The following TAAR5 variants were observed in gnomAD, a reference collection of about 807,000 sequenced individuals.
TAAR5 encodes trace amine associated receptor 5.
In TAAR5, 27 loss-of-function variants were observed where a neutral mutation model predicts 21.1. The ratio of observed to expected loss-of-function variants is 1.28; its 90% CI spans 0.94 to 1.76. TAAR5 has a LOEUF of 1.76. Ranked by LOEUF, TAAR5 falls within the 40% of genes most tolerant of loss-of-function variation. The pLI is 0.00. For synonymous variants in TAAR5, 203 were observed against 167.5 expected (o/e 1.21, Z -1.64); for missense variants, 495 against 405.6 (o/e 1.22, Z -1.89).
rs1231342679 is a variant in TAAR5 at position 132,589,586 on chromosome 6, T to C, written c.101A>G (p.Gln34Arg). The change falls in exon 1 of 1, where the codon CAG becomes CGG. Residue 34 changes from glutamine to arginine, a missense_variant. By Grantham distance (43) the Gln-to-Arg change is conservative (BLOSUM62 1). Coordinates refer to ENST00000258034, the MANE Select transcript of TAAR5 (RefSeq NM_003967.3). ...CPRTVHTLGI[Q>R]LVIYLACAAG... ...TGCACAGGCCAGGTAGATGACCAACTGGATGCCCAGAGTATGTACTGTCCT... is the reference window on the plus strand; with the variant it reads ...TGCACAGGCCAGGTAGATGACCAACCGGATGCCCAGAGTATGTACTGTCCT... The C allele has an allele frequency of 1.9e-6, 3 of 1,613,758 alleles. No individual in the cohort carries two copies. Among genetic ancestry groups the C allele is most frequent in the Non-Finnish European group, 2.5e-6 (3 of 1,179,932 alleles).
At chr6:132,597,213 A>T in the TAAR5 span, among the ~76,000 whole-genome samples, 2 of 152,190 alleles carry the variant, frequency 1.3e-5, no homozygotes, top group African/African-American at 2.4e-5. Context: ...AATTAACAGT[A>T]TTCTCTCATA....
chr6:132,608,883 G>A, the TAAR5 span: 2 of 455,938 alleles, frequency 4.4e-6, no homozygotes, highest in South Asian at 3.1e-5. Context: ...GGTAACACAC[G>A]GCATAAAATC....
At chr6:132,592,468 T>G (rs181468458), upstream of TAAR5, among the ~76,000 whole-genome samples, 74 of 152,368 alleles carry the variant, frequency 4.9e-4, no homozygotes, top group Middle Eastern at 3.4e-3. Context: ...GAATAATTCT[T>G]GATTCCTCAA....
the TAAR5 span, among the ~76,000 whole-genome samples, chr6:132,612,180 A>G: frequency 6.6e-6 from 1 of 152,212 alleles, no homozygotes; most frequent in African/African-American, 2.4e-5. Flanking sequence ...GTGTTAAAAA[A>G]TATATTAACT....
the TAAR5 span, among the ~76,000 whole-genome samples, chr6:132,600,952 AGAAGGAGG>A: frequency 2.3e-3 from 35 of 15,136 alleles, 1 homozygote; most frequent in East Asian, 3.3e-3. Context: ...AGGGAAAGAA[AGAAGGAGG>A]GAAGGAGGGA....
chr6:132,607,366 G>T, the TAAR5 span, among the ~76,000 whole-genome samples: 98 of 152,122 alleles, frequency 6.4e-4, no homozygotes, highest in Non-Finnish European at 1.1e-3. Context: ...ATTCATGAAG[G>T]TTCTATTGAC....
Position 132,589,648 on chromosome 6 carries a change from AG to A in TAAR5, c.38del (p.Pro13LeufsTer8). On this transcript the variant is annotated frameshift_variant, in exon 1 of 1. Coordinates refer to ENST00000258034, the MANE Select transcript of TAAR5 (RefSeq NM_003967.3). LOFTEE classifies it high-confidence loss of function. ...CATTCACCTGGTAGCAGAATGCCGC[AG>A]GGTGCTCTTCAGCACCTTGGATGAA... Reference protein sequence around the residue: ...AVFIQGAEEHPAAFCYQVNGS... With the variant: ...AVFIQGAEEHXAAFCYQVNGS... 1 of 1,586,026 alleles carries A rather than the reference AG, an allele frequency of 6.3e-7. No homozygotes were observed. The highest frequency in any genetic ancestry group is 2.3e-5 in the East Asian group (1 of 42,858).
the TAAR5 span, among the ~76,000 whole-genome samples, chr6:132,604,895 A>T: frequency 6.6e-6 from 1 of 152,208 alleles, no homozygotes; most frequent in Admixed American, 6.6e-5. Flanking sequence ...CGCCACCTCA[A>T]CTAGACCGAA....
the TAAR5 span, chr6:132,595,432 TTCA>T: frequency 1.3e-5 from 2 of 152,164 alleles, no homozygotes; most frequent in African/African-American, 4.8e-5. Flanking sequence ...GTCAGGCAAA[TTCA>T]TCATCTTTGT....
chr6:132,597,348 T>A, the TAAR5 span, among the ~76,000 whole-genome samples: 4 of 152,238 alleles, frequency 2.6e-5, no homozygotes, highest in Middle Eastern at 6.8e-3. Context: ...TAAGGTAATG[T>A]CAAAGATAAG....
chr6:132,609,609 G>T, the TAAR5 span, among the ~76,000 whole-genome samples: 3 of 152,102 alleles, frequency 2.0e-5, no homozygotes, highest in Admixed American at 2.0e-4. Flanking sequence ...GGAAATGGGA[G>T]ATTTTCAAGA....
the TAAR5 span, among the ~76,000 whole-genome samples, chr6:132,597,972 T>C: frequency 6.6e-6 from 1 of 152,126 alleles, no homozygotes; most frequent in Admixed American, 6.6e-5. Context: ...AACCCTGAAA[T>C]ATGTTAGTGT....
the TAAR5 span, among the ~76,000 whole-genome samples, chr6:132,603,159 T>C: frequency 6.6e-6 from 1 of 151,704 alleles, no homozygotes. Context: ...AAAATTGGCC[T>C]GGTGTGGCAG....
At chr6:132,607,832 A>G in the TAAR5 span, among the ~76,000 whole-genome samples, 12 of 152,150 alleles carry the variant, frequency 7.9e-5, no homozygotes, top group Non-Finnish European at 1.5e-5. Context: ...TCCTTCATGG[A>G]CCCACAGGTC....
At chr6:132,599,267 C>T in the TAAR5 span, among the ~76,000 whole-genome samples, 1 of 151,176 alleles carries the variant, frequency 6.6e-6, no homozygotes, top group Admixed American at 6.6e-5. Context: ...ATCAACACCA[C>T]ACAGTTGTTT....
In TAAR5 at chr6:132,589,305, T is replaced by C; in HGVS notation, c.382A>G (p.Ile128Val). 1 of 1,613,056 alleles carries C rather than the reference T, an allele frequency of 6.2e-7. No individual in the cohort carries two copies. ...ATGGCACAGTGGCGGTCAATGGAAA[T>C]GAAACAGAGATGGAAGATGGAGGTG... The part of the protein sequence containing the change: ...CLTSIFHLCF[I>V]SIDRHCAICD... The change falls in exon 1 of 1, where the codon ATT becomes GTT. Residue 128 changes from isoleucine to valine, a missense_variant. By Grantham distance (29) the Ile-to-Val change is conservative. Transcript: ENST00000258034.
chr6:132,588,836 G>A lies in TAAR5; in HGVS notation c.851C>T (p.Pro284Leu), dbSNP rs767482472. 1 of 1,614,130 alleles carries A rather than the reference G, an allele frequency of 6.2e-7. No individual in the cohort carries two copies. The highest frequency in any genetic ancestry group is 1.1e-5 in the South Asian group (1 of 91,070). The stretch of plus-strand genomic sequence containing the variant: ...CCAGATAAAGATGTCAAAGACCAGT[G>A]GGGGTGTGATAAAGTGAAGGAGGCT... ...VDSLLHFITP[P>L]LVFDIFIWFA... The change falls in exon 1 of 1, where the codon CCA (proline) becomes CTA (leucine). Residue 284 changes from proline to leucine, a missense_variant. By Grantham distance (98) the Pro-to-Leu change is moderately conservative (BLOSUM62 -3). Transcript: ENST00000258034.
chr6:132,609,208 G>A, the TAAR5 span: 1 of 351,238 alleles, frequency 2.8e-6, no homozygotes, highest in East Asian at 7.5e-5. Context: ...AGCGGTTGGT[G>A]GGAGGACAGG....
chr6:132,597,225 A>G, the TAAR5 span, among the ~76,000 whole-genome samples: 1 of 152,180 alleles, frequency 6.6e-6, no homozygotes, highest in South Asian at 2.1e-4. Context: ...TCTCTCATAT[A>G]TTACAGTTAC....
Sources: gnomAD v4.1 joint callset for allele counts (sites outside exome capture counted in the v4.1 genomes callset) on GRCh38, gnomAD v4.1.1 for gene constraint, MANE v1.5 for transcripts, NCBI Gene and HGNC (gene_info 2026-07-23, HGNC 2026-07-21) for gene names.